The following MAGI2 variants were observed in gnomAD, a reference collection of about 807,000 sequenced individuals.
The protein encoded by MAGI2 is membrane-associated guanylate kinase, WW and PDZ domain-containing protein 2.
Under a neutral mutation model 133.3 loss-of-function variants are expected in MAGI2, and 35 were observed. The ratio of observed to expected loss-of-function variants is 0.26; its 90% CI spans 0.20 to 0.35. The LOEUF (loss-of-function observed/expected upper bound fraction) is 0.35, where lower values mean the gene tolerates loss of function less well. Among genes scored for constraint, MAGI2 ranks in the 10% least tolerant of loss-of-function variants. MAGI2 has a pLI of 1.00. For missense variants in MAGI2, 1,636 were observed against 1,863.4 expected (o/e 0.88, Z 2.25); for synonymous variants, 729 against 710.6 (o/e 1.03, Z -0.41).
chr7:79,163,066 CT>C (rs986571033), intron 1 of MAGI2, among the ~76,000 whole-genome samples: 4 of 151,978 alleles, frequency 2.6e-5, no homozygotes, highest in Non-Finnish European at 5.9e-5. Flanking sequence ...TATATGACTT[CT>C]CCTGTGACAA....
At chr7:78,048,998 C>T (rs1314708342) in intron 21 of MAGI2, among the ~76,000 whole-genome samples, 3 of 151,248 alleles carry the variant, frequency 2.0e-5, no homozygotes, top group African/African-American at 7.3e-5. Context: ...ATCCCAGCTA[C>T]TTGGGAGGCT....
At chr7:79,302,350 T>C (rs897378836) in intron 1 of MAGI2, among the ~76,000 whole-genome samples, 17 of 152,172 alleles carry the variant, frequency 1.1e-4, no homozygotes, top group Admixed American at 9.8e-4. Context: ...AAATAATGAA[T>C]AATATCTCCA....
chr7:79,443,279 TGTGTGC>T lies in MAGI2; in HGVS notation c.301+9735_301+9740del, dbSNP rs796493126. On this transcript the variant is annotated intron_variant, in intron 1 of 21. Coordinates refer to ENST00000354212, the MANE Select transcript of MAGI2 (RefSeq NM_012301.4). ...AGTGTTTGAAGTGTGTGTGTGTGTG[TGTGTGC>T]GTGTGTGTGTGTGTGTGTGTGTGTG... is the stretch of plus-strand genomic sequence containing the variant. Among the ~76,000 whole-genome samples the T allele has an allele frequency of 7.0e-4, 38 of 54,514 alleles. No individual in the cohort carries two copies. The Middle Eastern group carries it at 0.034, about 49-fold the overall frequency. The allele number at this position is 54,514 out of a possible 152,430, so 35.8% of individuals were successfully genotyped here.
intron 1 of MAGI2, among the ~76,000 whole-genome samples, chr7:79,327,675 T>C (rs2129087411): frequency 6.6e-6 from 1 of 151,998 alleles, no homozygotes; most frequent in South Asian, 2.1e-4. Flanking sequence ...TCTCTCTCTC[T>C]ATTTCACACA....
At chr7:78,085,849 G>C (rs541622939) in intron 20 of MAGI2, among the ~76,000 whole-genome samples, 1 of 144,558 alleles carries the variant, frequency 6.9e-6, no homozygotes, top group African/African-American at 2.8e-5. Flanking sequence ...TTTGTGTTTA[G>C]AAAAGATGTA....
intron 2 of MAGI2, among the ~76,000 whole-genome samples, chr7:78,755,950 CTTT>C (rs1279020910): frequency 6.6e-6 from 1 of 152,024 alleles, no homozygotes; most frequent in Non-Finnish European, 1.5e-5. Context: ...TAAATATTTC[CTTT>C]TTATTTATTA....
At chr7:78,922,538 C>T (rs1194401363) in intron 2 of MAGI2, among the ~76,000 whole-genome samples, 3 of 151,836 alleles carry the variant, frequency 2.0e-5, no homozygotes, top group South Asian at 4.1e-4. Context: ...TTTTTTATGG[C>T]TGCATAGTAT....
chr7:78,045,028 G>A (rs926005023), intron 21 of MAGI2, among the ~76,000 whole-genome samples: 1 of 152,116 alleles, frequency 6.6e-6, no homozygotes, highest in East Asian at 1.9e-4. Context: ...TTAGTCGGGC[G>A]TGGTGGCACA....
At chr7:78,150,427 A>G in intron 16 of MAGI2, among the ~76,000 whole-genome samples, 1 of 152,252 alleles carries the variant, frequency 6.6e-6, no homozygotes, top group East Asian at 1.9e-4. Flanking sequence ...TTAATCCACC[A>G]TGAGGCCCTG....
intron 1 of MAGI2, among the ~76,000 whole-genome samples, chr7:79,171,741 AAAATATATAT>A (rs769256862): frequency 8.8e-5 from 2 of 22,694 alleles, no homozygotes; most frequent in Non-Finnish European, 3.0e-4. Flanking sequence ...ACAATAGCCA[AAAATATATAT>A]ATATATATAT....
intron 1 of MAGI2, among the ~76,000 whole-genome samples, chr7:79,203,415 A>C (rs1226466738): frequency 6.6e-6 from 1 of 152,026 alleles, no homozygotes; most frequent in African/African-American, 2.4e-5. Context: ...CTACCCCTTC[A>C]ACCTTACCTT....
chr7:78,224,907 C>T (rs1452444146), intron 10 of MAGI2, among the ~76,000 whole-genome samples: 1 of 152,070 alleles, frequency 6.6e-6, no homozygotes, highest in African/African-American at 2.4e-5. Context: ...CCTCCATGTT[C>T]TCAGGACCCC....
At chr7:78,881,228 G>C (rs761934164) in intron 2 of MAGI2, among the ~76,000 whole-genome samples, 2 of 152,006 alleles carry the variant, frequency 1.3e-5, no homozygotes, top group African/African-American at 2.4e-5. Flanking sequence ...GGACCTAATA[G>C]ACATCTATAG....
chr7:79,440,629 A>C (rs1585991654), intron 1 of MAGI2, among the ~76,000 whole-genome samples: 1 of 152,160 alleles, frequency 6.6e-6, no homozygotes, highest in Non-Finnish European at 1.5e-5. Flanking sequence ...AATATCTCCA[A>C]AACAATAAAA....
intron 2 of MAGI2, among the ~76,000 whole-genome samples, chr7:78,653,391 C>A (rs576536174): frequency 6.6e-6 from 1 of 152,080 alleles, no homozygotes; most frequent in Admixed American, 6.6e-5. Flanking sequence ...AACCCAAATG[C>A]CCATCAGTGT....
At chr7:78,775,784 C>T (rs868452763) in intron 2 of MAGI2, among the ~76,000 whole-genome samples, 1 of 152,286 alleles carries the variant, frequency 6.6e-6, no homozygotes, top group African/African-American at 2.4e-5. Context: ...CACTAAAGGT[C>T]AGAAAACTAA....
At chr7:79,400,379 A>AT (rs1845384533) in intron 1 of MAGI2, among the ~76,000 whole-genome samples, 1 of 152,102 alleles carries the variant, frequency 6.6e-6, no homozygotes, top group Non-Finnish European at 1.5e-5. Context: ...TAATCATTCT[A>AT]TTTTTTTATC....
chr7:78,573,283 T>TA (rs1491484426), intron 3 of MAGI2, among the ~76,000 whole-genome samples: 1,125 of 46,144 alleles, frequency 0.024, 42 homozygotes, highest in South Asian at 0.063. Context: ...AATATATATA[T>TA]TTATATAAAT....
At chr7:79,230,179 T>A (rs1038260796) in intron 1 of MAGI2, among the ~76,000 whole-genome samples, 2 of 150,962 alleles carry the variant, frequency 1.3e-5, no homozygotes, top group Admixed American at 1.3e-4. Flanking sequence ...ATTTTCTTAA[T>A]CCAGTCTATC....
Sources: allele counts gnomAD v4.1 joint callset (sites outside exome capture counted in the v4.1 genomes callset), GRCh38; gene constraint gnomAD v4.1.1; transcripts MANE v1.5; gene names NCBI Gene and HGNC (gene_info 2026-07-23, HGNC 2026-07-21).